Variants in NEURL4 observed in about 807,000 individuals in gnomAD.
NEURL4 encodes neuralized-like protein 4.
In NEURL4, 45 loss-of-function variants were observed where a neutral mutation model predicts 148.0. The observed-to-expected ratio is 0.30, with a 90% CI of 0.24 to 0.39. The LOEUF (loss-of-function observed/expected upper bound fraction) is 0.39. Ranked by LOEUF, NEURL4 falls within the 10% of genes least tolerant of loss-of-function variation. The probability of loss-of-function intolerance (pLI) is 1.00; values close to 1 mark genes in which losing one functional copy is unlikely to be tolerated. For missense variants in NEURL4, 1,776 were observed against 2,144.0 expected, an observed-to-expected ratio of 0.83 and a Z score of 3.39; for synonymous variants, 854 against 869.0, an observed-to-expected ratio of 0.98 and a Z score of 0.30.
rs954021473 is a variant in NEURL4 at position 7,321,703 on chromosome 17, C to G, written c.2956G>C (p.Gly986Arg). ...TTLAPGEMGPGAGGGGPGLPP... is the reference protein window; with the variant it reads ...TTLAPGEMGPRAGGGGPGLPP... ...AGCCCTGGGCCACCACCGCCTGCCC[C>G]GGGTCCCATCTCCCCCGGTGCTAGT... is the stretch of plus-strand genomic sequence containing the variant. The change falls in exon 18 of 29, where the codon GGG (glycine) becomes CGG (arginine). Residue 986 changes from glycine (G) to arginine (R), a missense_variant. Gly to Arg is a moderately radical substitution (Grantham distance 125). Coordinates refer to ENST00000399464, the MANE Select transcript of NEURL4 (RefSeq NM_032442.3). The surrounding 1 kb of genome is among the most constrained non-coding windows in gnomAD (Gnocchi z 6.3). The G allele has an allele frequency of 6.2e-7, 1 of 1,613,728 alleles. No homozygotes were observed.
chr17:7,323,221 G>A (rs2073055921), intron 14 of NEURL4, 98 bp from the exon 15 acceptor site: 10 of 1,345,052 alleles, frequency 7.4e-6, no homozygotes, highest in Non-Finnish European at 1.0e-5. Context: ...AATGTCTTGG[G>A]CTGGTGTCTT....
rs926631469 is a variant in NEURL4 at position 7,324,901 on chromosome 17, C to T, written c.1711G>A (p.Asp571Asn). The change falls in exon 9 of 29, where the codon GAC becomes AAC. Residue 571 changes from aspartate (D) to asparagine (N), a missense_variant. Coordinates refer to ENST00000399464, the MANE Select transcript of NEURL4 (RefSeq NM_032442.3). This position sits in a 1 kb window ranked among gnomAD's most constrained non-coding sequence, Gnocchi z 5.9. ...CCAGCCCATTTGTCCACCATCTTGT[C>T]GATGCGCACCTGGAACACCTCTCCA... ...RDGEVFQVRI[D>N]KMVDKWAGSI... 6.8e-6 allele frequency: 11 copies of T among 1,614,020 alleles called. No individual in the cohort carries two copies. The highest frequency in any genetic ancestry group is 1.3e-5 in the African/African-American group (1 of 74,902).
Position 7,317,468 on chromosome 17 carries a change from C to T in NEURL4, c.4311G>A (p.Leu1437=), listed in dbSNP as rs377148979. The change falls in exon 27 of 29, where the codon CTG becomes CTA. Residue 1437 remains leucine (L), a synonymous_variant. Coordinates refer to ENST00000399464, the MANE Select transcript of NEURL4 (RefSeq NM_032442.3). The part of the protein sequence containing the change: ...AVRRVLDRGE[L]GAGTASILSC... ...GGGCCTACTCGCCAGTACCTGCTCC[C>T]AGCTCCCCTCGGTCCAGCACTCTCC... 2 of 1,614,176 alleles carry T rather than the reference C, an allele frequency of 1.2e-6. No homozygotes were observed. Among genetic ancestry groups the T allele is most frequent in the African/African-American group, 1.3e-5 (1 of 75,050 alleles).
At position 7,317,552 on chromosome 17, in the gene NEURL4, A is replaced by G; in HGVS notation, c.4227T>C (p.Ala1409=). Residue 1409 remains alanine, a synonymous_variant, in exon 27 of 29, where the codon GCT becomes GCC. Transcript: ENST00000399464. ...FNLRVNPRLE[A]GTLTKKWHMA... is the part of the protein sequence containing the mutation. ...TGTGCCACTTCTTGGTTAGTGTCCCAGCCTCCAGGCGGGGATTCACTCTAG... is the reference window on the plus strand; with the variant it reads ...TGTGCCACTTCTTGGTTAGTGTCCCGGCCTCCAGGCGGGGATTCACTCTAG... The G allele has an allele frequency of 1.2e-6, 2 of 1,614,090 alleles. No homozygotes were observed. The highest frequency in any genetic ancestry group is 1.7e-6 in the Non-Finnish European group (2 of 1,179,944).
rs368397327 is a variant in NEURL4 at position 7,320,790 on chromosome 17, T to C, written c.3494A>G (p.Asn1165Ser). The change falls in exon 21 of 29, where the codon AAC becomes AGC. Residue 1165 changes from asparagine (N) to serine (S), a missense_variant. Transcript: ENST00000399464. ...ASYNQGIVVI[N>S]QPLVPQLLVQ... ...CAGCAGCTGGGGCACCAGAGGTTGG[T>C]TGATGACAACGATGCCCTGATTGTA... 1.1e-5 allele frequency: 17 copies of C among 1,613,842 alleles called. No individual in the cohort carries two copies. Among genetic ancestry groups the C allele is most frequent in the South Asian group, 9.9e-5 (9 of 91,080 alleles).
At position 7,326,921 on chromosome 17, in the gene NEURL4, G is replaced by C; in HGVS notation, c.882C>G (p.Ser294=). Residue 294 remains serine, a synonymous_variant, in exon 4 of 29, where the codon TCC becomes TCG. Transcript: ENST00000399464. The surrounding 1 kb of genome is among the most constrained non-coding windows in gnomAD (Gnocchi z 6.0). ...NGGLLNVNLS[S]PPAGEGLGSS... ...ATCCCAGGCCTTCCCCTGCCGGTGG[G>C]GAGCTCAGGTTCACATTCAGGAGCC... is the stretch of plus-strand genomic sequence containing the variant. The C allele has an allele frequency of 6.2e-7, 1 of 1,613,818 alleles. No individual in the cohort carries two copies. The highest frequency in any genetic ancestry group is 2.2e-5 in the East Asian group (1 of 44,892).
chr17:7,323,700 A>G lies in NEURL4; in HGVS notation c.2285T>C (p.Phe762Ser). 1 of 1,613,968 alleles carries G rather than the reference A, an allele frequency of 6.2e-7. No homozygotes were observed. The highest frequency in any genetic ancestry group is 8.5e-7 in the Non-Finnish European group (1 of 1,179,930). Reference protein sequence around the residue: ...SNRALRDGELFEIVIQKMVDR... With the variant: ...SNRALRDGELSEIVIQKMVDR... ...CACCATCTTCTGAATGACAATTTCA[A>G]ACAGCTCTCCATCCCGCAGGGCCCT... The change falls in exon 13 of 29, where the codon TTT becomes TCT. Residue 762 changes from phenylalanine (F) to serine (S), a missense_variant. By Grantham distance (155) the Phe-to-Ser change is radical. Transcript: ENST00000399464.
In NEURL4 at chr17:7,318,681, GGA is replaced by G. The variant is rs1171507349; in HGVS notation, c.3685-9_3685-8del. On this transcript the variant is annotated splice_polypyrimidine_tract_variant and splice_region_variant and intron_variant, in intron 22 of 28. Coordinates refer to ENST00000399464, the MANE Select transcript of NEURL4 (RefSeq NM_032442.3). The surrounding 1 kb of genome is among the most constrained non-coding windows in gnomAD (Gnocchi z 4.3). ...GCCCAAACTTCTCGCAGATCTGGGA[GGA>G]GAGACCGGCTGTCTTCCAGAGGTCA... is the stretch of plus-strand genomic sequence containing the variant. The G allele has an allele frequency of 6.3e-7, 1 of 1,598,500 alleles. No homozygotes were observed. Among genetic ancestry groups the G allele is most frequent in the Non-Finnish European group, 8.5e-7 (1 of 1,171,170 alleles).
chr17:7,318,709 G>C lies in NEURL4; in HGVS notation c.3685-35C>G. ...GAGACCGGCTGTCTTCCAGAGGTCA[G>C]ACTCCACCGCGGCAGCTGTCCCGCC... On this transcript the variant is annotated intron_variant, in intron 22 of 28. Coordinates refer to ENST00000399464, the MANE Select transcript of NEURL4 (RefSeq NM_032442.3). The surrounding 1 kb of genome is among the most constrained non-coding windows in gnomAD (Gnocchi z 4.3). 1.9e-6 allele frequency: 3 copies of C among 1,571,734 alleles called. No individual in the cohort carries two copies. Among genetic ancestry groups the C allele is most frequent in the Non-Finnish European group, 2.6e-6 (3 of 1,156,002 alleles).
Position 7,321,430 on chromosome 17 carries a change from C to T in NEURL4, c.3129G>A (p.Gly1043=), listed in dbSNP as rs1046227393. The T allele has an allele frequency of 1.9e-5, 31 of 1,614,000 alleles. No individual in the cohort carries two copies. Among genetic ancestry groups the T allele is most frequent in the South Asian group, 8.8e-5 (8 of 91,086 alleles). ...CCAGGATGTGCATCGTGTCATCTGC[C>T]CCCCGACGAACACCCACACGGCTCC... The part of the protein sequence containing the change: ...GVGSRVGVRR[G]ADDTMHILVD... Residue 1043 remains glycine (G), a synonymous_variant, in exon 19 of 29, where the codon GGG becomes GGA. Coordinates refer to ENST00000399464, the MANE Select transcript of NEURL4 (RefSeq NM_032442.3). The surrounding 1 kb of genome is among the most constrained non-coding windows in gnomAD (Gnocchi z 6.3).
chr17:7,319,111 C>T lies in NEURL4; in HGVS notation c.3623G>A (p.Cys1208Tyr). The T allele has an allele frequency of 6.2e-7, 1 of 1,614,132 alleles. No individual in the cohort carries two copies. Among genetic ancestry groups the T allele is most frequent in the East Asian group, 2.2e-5 (1 of 44,872 alleles). Residue 1208 changes from cysteine (C) to tyrosine (Y), a missense_variant, in exon 22 of 29, where the codon TGT (cysteine) becomes TAT (tyrosine). Transcript: ENST00000399464. ...PERLNFPASA[C>Y]ALKRAAWLLR... ...CAGCCAGGCTGCCCGTTTGAGGGCA[C>T]AGGCAGAAGCAGGGAAGTTGAGCCT...
In NEURL4 at chr17:7,325,631, C is replaced by A; in HGVS notation, c.1366+10G>T. Reference sequence around the variant, plus strand: ...CCCCGGCCCAGAGGCTCTCTCTGGGCGGCCCTTACCCTGATCGATACCATT... The same window carrying A: ...CCCCGGCCCAGAGGCTCTCTCTGGGAGGCCCTTACCCTGATCGATACCATT... On this transcript the variant is annotated intron_variant, in intron 7 of 28. Transcript: ENST00000399464. The A allele has an allele frequency of 6.2e-7, 1 of 1,613,016 alleles. No homozygotes were observed. Among genetic ancestry groups the A allele is most frequent in the East Asian group, 2.2e-5 (1 of 44,872 alleles).
At position 7,318,454 on chromosome 17, in the gene NEURL4, A is replaced by T. The variant is rs2072981171; in HGVS notation, c.3864+41T>A. The stretch of plus-strand genomic sequence containing the variant: ...ATTTCCCCTGTCCTGGACAGCGCAG[A>T]CTCTCAGGCACCCCTCCTCCCTGCC... On this transcript the variant is annotated intron_variant, in intron 23 of 28. Transcript: ENST00000399464. This position sits in a 1 kb window ranked among gnomAD's most constrained non-coding sequence, Gnocchi z 4.3. 1 of 1,602,368 alleles carries T rather than the reference A, an allele frequency of 6.2e-7. No individual in the cohort carries two copies.
chr17:7,327,263 G>T lies in NEURL4; in HGVS notation c.728-33C>A. The T allele has an allele frequency of 6.3e-7, 1 of 1,576,212 alleles. No individual in the cohort carries two copies. Among genetic ancestry groups the T allele is most frequent in the South Asian group, 1.1e-5 (1 of 87,100 alleles). On this transcript the variant is annotated intron_variant, in intron 2 of 28. Coordinates refer to ENST00000399464, the MANE Select transcript of NEURL4 (RefSeq NM_032442.3). The surrounding 1 kb of genome is among the most constrained non-coding windows in gnomAD (Gnocchi z 6.6). Reference sequence around the variant, plus strand: ...CCAGGTGGGATGGGAGGGGAATAAGGGTTCAGTCCCTGCTTCACGGCCCAT... The same window carrying T: ...CCAGGTGGGATGGGAGGGGAATAAGTGTTCAGTCCCTGCTTCACGGCCCAT...
In NEURL4 at chr17:7,318,275, C is replaced by G. The variant is rs764457890; in HGVS notation, c.3946G>C (p.Val1316Leu). 1 of 1,614,094 alleles carries G rather than the reference C, an allele frequency of 6.2e-7. No individual in the cohort carries two copies. Among genetic ancestry groups the G allele is most frequent in the Non-Finnish European group, 8.5e-7 (1 of 1,179,982 alleles). ...TCCCTTTGGGCTGGCACACCGTCCA[C>G]CATGTCTGCTTTCTCCATGTCCCCT... ...TQGDMEKADM[V>L]DGIKESVCWG... The change falls in exon 24 of 29, where the codon GTG becomes CTG. Residue 1316 changes from valine to leucine, a missense_variant. Transcript: ENST00000399464. This position sits in a 1 kb window ranked among gnomAD's most constrained non-coding sequence, Gnocchi z 4.3.
Position 7,320,739 on chromosome 17 carries a change from G to A in NEURL4, c.3525+20C>T. 2 of 1,605,828 alleles carry A rather than the reference G, an allele frequency of 1.2e-6. No individual in the cohort carries two copies. The highest frequency in any genetic ancestry group is 1.7e-6 in the Non-Finnish European group (2 of 1,174,690). On this transcript the variant is annotated intron_variant, in intron 21 of 28. Transcript: ENST00000399464. ...TCACTGTGGAGCGAGAGAAGCTGGG[G>A]ATAGGGAGGGAGAACCCACCTGCAC...
In NEURL4 at chr17:7,315,959, C is replaced by T; in HGVS notation, c.*164G>A. 1 of 612,670 alleles carries T rather than the reference C, an allele frequency of 1.6e-6. No homozygotes were observed. Among genetic ancestry groups the T allele is most frequent in the Non-Finnish European group, 2.9e-6 (1 of 339,952 alleles). 38.0% of individuals were successfully genotyped at this position (612,670 alleles called of 1,614,324 possible). ...TGGGCCTCCGGACATGGAGCTGTGC[C>T]ACTTGCCACCTACATCTGAGAGCCT... On this transcript the variant is annotated 3_prime_UTR_variant, in exon 29 of 29. Transcript: ENST00000399464.
In NEURL4 at chr17:7,323,246, G is replaced by A. The variant is rs2073056226; in HGVS notation, c.2418-123C>T. The A allele has an allele frequency of 2.7e-6, 3 of 1,091,350 alleles. No homozygotes were observed. The Admixed American group carries it at 6.5e-5, about 24-fold the overall frequency. The allele number at this position is 1,091,350 out of a possible 1,614,324, so 67.6% of individuals were successfully genotyped here. On this transcript the variant is annotated intron_variant, in intron 14 of 28. Transcript: ENST00000399464. The stretch of plus-strand genomic sequence containing the variant: ...GCTGGTGTCTTGATCTGGGTGTAAG[G>A]CCCAATCCTATCTCCTCTGTCCCTG...
rs980496041 is a variant in NEURL4 at position 7,322,189 on chromosome 17, G to A, written c.2726-179C>T. 5.3e-5 allele frequency among the ~76,000 whole-genome samples: 8 copies of A among 152,100 alleles called. No homozygotes were observed. Among genetic ancestry groups the A allele is most frequent in the Non-Finnish European group, 8.8e-5 (6 of 68,024 alleles). On this transcript the variant is annotated intron_variant, in intron 16 of 28. Transcript: ENST00000399464. This position sits in a 1 kb window ranked among gnomAD's most constrained non-coding sequence, Gnocchi z 5.5. ...TTGTATTTTGTTGAGGCAGAGTCTC[G>A]CTCTGTCACTCAGGCTGGAGTGCAG...
Sources: allele counts gnomAD v4.1 joint callset (sites outside exome capture counted in the v4.1 genomes callset), GRCh38; gene constraint gnomAD v4.1.1; non-coding constraint Gnocchi (gnomAD v3.1); transcripts MANE v1.5; gene names NCBI Gene and HGNC (gene_info 2026-07-23, HGNC 2026-07-21).